WNT5A: variants seen among roughly 807,000 people sequenced by gnomAD.
WNT5A encodes the protein Wnt family member 5A, also known as protein Wnt-5a.
WNT5A carries 9 observed loss-of-function variants against 42.1 expected under a neutral mutation model. The ratio of observed to expected loss-of-function variants is 0.21; its 90% CI spans 0.13 to 0.37. WNT5A has a LOEUF of 0.37. WNT5A is among the 10% of genes least tolerant of loss of function. The pLI, the probability that WNT5A is intolerant of heterozygous loss-of-function variation, is 1.00. For missense variants in WNT5A, 426 were observed against 534.0 expected (o/e 0.80, Z 1.99); for synonymous variants, 210 against 210.0 (o/e 1.00, Z 0.00).
chr3:55,466,675 G>C lies in WNT5A; in HGVS notation c.*3417C>G, dbSNP rs909701332. 2.6e-5 allele frequency: 4 copies of C among 152,524 alleles called. No homozygotes were observed. The highest frequency in any genetic ancestry group is 1.3e-4 in the Admixed American group (2 of 15,282). The allele number at this position is 152,524 out of a possible 1,614,324, so 9.4% of individuals were successfully genotyped here. On this transcript the variant is annotated 3_prime_UTR_variant, in exon 5 of 5. Transcript: ENST00000264634. Reference sequence around the variant, plus strand: ...AATTTTTTATTAATTTTCTTGTATTGGGAAGATCTTGAATACGCTCCAGGA... The same window carrying C: ...AATTTTTTATTAATTTTCTTGTATTCGGAAGATCTTGAATACGCTCCAGGA...
intron 4 of WNT5A, 150 bp downstream of exon 4, chr3:55,474,187 A>T: frequency 1.0e-6 from 1 of 956,376 alleles, no homozygotes; most frequent in Non-Finnish European, 1.5e-6. Flanking sequence ...AGATAGGGAG[A>T]GACAGAAAGA....
upstream of WNT5A, among the ~76,000 whole-genome samples, chr3:55,494,223 C>A (rs1036794831): frequency 8.5e-5 from 13 of 152,142 alleles, no homozygotes; most frequent in African/African-American, 2.7e-4. Context: ...ATGTCTAAAT[C>A]TGTGGCATAG....
the WNT5A span, among the ~76,000 whole-genome samples, chr3:55,500,911 C>T: frequency 6.6e-6 from 1 of 152,186 alleles, no homozygotes; most frequent in Non-Finnish European, 1.5e-5. Context: ...CCATCTATGG[C>T]CCTAAAACAT....
Position 55,480,778 on chromosome 3 carries a change from A to G in WNT5A, c.140+7T>C. ...AGAGGAAGAACACGCACATAGAATG[A>G]ACTTACCACCAAGAATTGGCTTCAA... On this transcript the variant is annotated splice_region_variant and intron_variant, in intron 2 of 4. Coordinates refer to ENST00000264634, the MANE Select transcript of WNT5A (RefSeq NM_003392.7). 1 of 1,550,308 alleles carries G rather than the reference A, an allele frequency of 6.5e-7. No homozygotes were observed. Among genetic ancestry groups the G allele is most frequent in the Non-Finnish European group, 8.7e-7 (1 of 1,149,148 alleles).
rs1004812862 is a variant in WNT5A at position 55,468,938 on chromosome 3, C to T, written c.*1154G>A. On this transcript the variant is annotated 3_prime_UTR_variant, in exon 5 of 5. Transcript: ENST00000264634. ...GAAACAAAAATCCCTAAGTAGTGAA[C>T]TGTTTTCCAAGCAGAGCTCCTAATG... The T allele has an allele frequency of 2.0e-5, 3 of 152,192 alleles. No individual in the cohort carries two copies. Among genetic ancestry groups the T allele is most frequent in the Admixed American group, 6.5e-5 (1 of 15,272 alleles). The allele number at this position is 152,192 out of a possible 1,614,324, so 9.4% of individuals were successfully genotyped here.
At chr3:55,495,547 A>G in the WNT5A span, among the ~76,000 whole-genome samples, 1 of 152,198 alleles carries the variant, frequency 6.6e-6, no homozygotes, top group Admixed American at 6.5e-5. Flanking sequence ...ATAGTATTCC[A>G]TTGTGTATCT....
chr3:55,483,273 G>T lies in WNT5A; in HGVS notation c.7-2355C>A, dbSNP rs1303424717. Among the ~76,000 whole-genome samples, 3 of 152,130 alleles carry T rather than the reference G, an allele frequency of 2.0e-5. No homozygotes were observed. The highest frequency in any genetic ancestry group is 7.2e-5 in the African/African-American group (3 of 41,422). ...TGTCCCAAAGGGGGATCGGAAAGGA[G>T]AGCCTCACGAGTCGCATCTCCACTT... On this transcript the variant is annotated intron_variant, in intron 1 of 4. Coordinates refer to ENST00000264634, the MANE Select transcript of WNT5A (RefSeq NM_003392.7). This position sits in a 1 kb window ranked among gnomAD's most constrained non-coding sequence, Gnocchi z 4.2.
chr3:55,494,724 A>T (rs1241676979), upstream of WNT5A, among the ~76,000 whole-genome samples: 2 of 152,160 alleles, frequency 1.3e-5, no homozygotes, highest in African/African-American at 2.4e-5. Flanking sequence ...TTTTTAGTAC[A>T]GACAGCGTTT....
chr3:55,469,846 A>T lies in WNT5A; in HGVS notation c.*246T>A. ...TCTATACTATCAAAAGAAGTCTTGTATTACCTTTTCAAAGATCCACAAAAT... is the reference window on the plus strand; with the variant it reads ...TCTATACTATCAAAAGAAGTCTTGTTTTACCTTTTCAAAGATCCACAAAAT... On this transcript the variant is annotated 3_prime_UTR_variant, in exon 5 of 5. Transcript: ENST00000264634. 1 of 447,074 alleles carries T rather than the reference A, an allele frequency of 2.2e-6. No individual in the cohort carries two copies. Among genetic ancestry groups the T allele is most frequent in the Non-Finnish European group, 3.9e-6 (1 of 253,520 alleles). The allele number at this position is 447,074 out of a possible 1,614,324, so 27.7% of individuals were successfully genotyped here. A position where few individuals can be genotyped will look rare whatever the true frequency, so the allele number is the denominator to read the frequency against.
upstream of WNT5A, among the ~76,000 whole-genome samples, chr3:55,495,299 T>C (rs966082556): frequency 6.6e-6 from 1 of 152,170 alleles, no homozygotes; most frequent in Non-Finnish European, 1.5e-5. Flanking sequence ...ATTTCTCCTA[T>C]CTAACTGAAA....
intron 3 of WNT5A, among the ~76,000 whole-genome samples, chr3:55,477,585 T>C (rs1409643581): frequency 6.6e-6 from 1 of 152,164 alleles, no homozygotes; most frequent in African/African-American, 2.4e-5. Context: ...GAGCATACTT[T>C]CCAGGGACAA....
chr3:55,489,461 G>A (rs1261678717), upstream of WNT5A, among the ~76,000 whole-genome samples: 2 of 151,298 alleles, frequency 1.3e-5, no homozygotes, highest in Non-Finnish European at 2.9e-5. Flanking sequence ...CCCAGAGGGC[G>A]CAGGCCCAGG....
At chr3:55,495,443 C>A (rs1202315222), upstream of WNT5A, among the ~76,000 whole-genome samples, 1 of 152,160 alleles carries the variant, frequency 6.6e-6, no homozygotes. Flanking sequence ...CAGCATTTGC[C>A]TCTCTGTGCC....
upstream of WNT5A, chr3:55,487,641 G>A (rs908115935): frequency 6.5e-6 from 1 of 152,674 alleles, no homozygotes; most frequent in African/African-American, 2.4e-5. Context: ...CCGCGAGTTA[G>A]TGTGGACGTC....
chr3:55,477,360 C>T (rs549631639), intron 3 of WNT5A, among the ~76,000 whole-genome samples: 1 of 152,328 alleles, frequency 6.6e-6, no homozygotes, highest in African/African-American at 2.4e-5. Context: ...CAGTGTCCCA[C>T]CACAAGCCAC....
At position 55,470,177 on chromosome 3, in the gene WNT5A, T is replaced by G; in HGVS notation, c.1058A>C (p.Glu353Ala). Residue 353 changes from glutamate (E) to alanine (A), a missense_variant, in exon 5 of 5, where the codon GAG becomes GCG. Physicochemically the swap from Glu to Ala is moderately radical, Grantham distance 107. Coordinates refer to ENST00000264634, the MANE Select transcript of WNT5A (RefSeq NM_003392.7). Reference sequence around the variant, plus strand: ...CCAGTGGAACTTGCAGTGGCAGCGCTCCGTCTGCACGGTCTTGAACTGGTC... The same window carrying G: ...CCAGTGGAACTTGCAGTGGCAGCGCGCCGTCTGCACGGTCTTGAACTGGTC... ...GYDQFKTVQTERCHCKFHWCC... is the reference protein window; with the variant it reads ...GYDQFKTVQTARCHCKFHWCC... 1.2e-6 allele frequency: 2 copies of G among 1,614,024 alleles called. No homozygotes were observed. The highest frequency in any genetic ancestry group is 1.7e-6 in the Non-Finnish European group (2 of 1,179,930).
chr3:55,472,875 A>G (rs965158530), intron 4 of WNT5A, among the ~76,000 whole-genome samples: 1 of 152,236 alleles, frequency 6.6e-6, no homozygotes, highest in Admixed American at 6.5e-5. Context: ...TAATTAAACC[A>G]AATGAAATTG....
chr3:55,482,301 A>T (rs920802526), intron 1 of WNT5A, among the ~76,000 whole-genome samples: 1 of 152,076 alleles, frequency 6.6e-6, no homozygotes, highest in Admixed American at 6.5e-5. Flanking sequence ...TGACTTCTCC[A>T]CCTGTAGGCG....
intron 4 of WNT5A, 109 bp from the exon 5 acceptor site, chr3:55,470,659 G>T: frequency 9.6e-7 from 1 of 1,036,590 alleles, no homozygotes; most frequent in Non-Finnish European, 1.4e-6. Context: ...TTCCCCAGCT[G>T]AATTAAGGAC....
Sources: gnomAD v4.1 joint callset for allele counts (sites outside exome capture counted in the v4.1 genomes callset) on GRCh38, gnomAD v4.1.1 for gene constraint, Gnocchi (gnomAD v3.1) non-coding constraint, MANE v1.5 for transcripts, NCBI Gene and HGNC (gene_info 2026-07-23, HGNC 2026-07-21) for gene names.